PTK2B: variants seen among roughly 807,000 people sequenced by gnomAD.
The protein encoded by PTK2B is protein-tyrosine kinase 2-beta.
PTK2B carries 71 observed loss-of-function variants against 142.9 expected under a neutral mutation model. The ratio of observed to expected loss-of-function variants is 0.50; its 90% CI spans 0.41 to 0.61. The LOEUF is 0.61. Ranked by LOEUF, PTK2B falls within the 20% of genes least tolerant of loss-of-function variation. The pLI, the probability that PTK2B is intolerant of heterozygous loss-of-function variation, is 0.00. For synonymous variants in PTK2B, 519 were observed against 503.4 expected, an observed-to-expected ratio of 1.03 and a Z score of -0.42; for missense variants, 1,105 against 1,320.4, an observed-to-expected ratio of 0.84 and a Z score of 2.53.
intron 2 of PTK2B, among the ~76,000 whole-genome samples, chr8:27,413,822 C>T (rs1214812862): frequency 2.0e-5 from 3 of 152,210 alleles, no homozygotes; most frequent in South Asian, 4.1e-4. Context: ...CTGAATCAAC[C>T]AACACTGAGT....
In PTK2B at chr8:27,451,725, C is replaced by G. The variant is rs946585348; in HGVS notation, c.2548+216C>G. On this transcript the variant is annotated intron_variant, in intron 27 of 30. Coordinates refer to ENST00000346049, the MANE Select transcript of PTK2B (RefSeq NM_173176.3). ...TGCCTAGCACCCTGCCCTTCTCTCT[C>G]TCAGTGGCCACATCCTTAGGCCCCT... 9.9e-6 allele frequency: 14 copies of G among 1,412,356 alleles called. No homozygotes were observed. In the African/African-American group the frequency reaches 1.9e-4, roughly 19 times the overall value. The allele number at this position is 1,412,356 out of a possible 1,614,324, so 87.5% of individuals were successfully genotyped here.
At chr8:27,313,271 G>A (rs113814152) in exon 3 of PTK2B, 16,874 of 152,324 alleles carry the variant, frequency 0.11, 1,219 homozygotes, top group South Asian at 0.25. Flanking sequence ...CTGAGGCCTC[G>A]CCAGCCATGC....
In PTK2B at chr8:27,397,679, A is replaced by C. The variant is rs768298339; in HGVS notation, c.95A>C (p.Asp32Ala). 1 of 1,614,222 alleles carries C rather than the reference A, an allele frequency of 6.2e-7. No individual in the cohort carries two copies. The highest frequency in any genetic ancestry group is 1.1e-5 in the South Asian group (1 of 91,082). The change falls in exon 2 of 31, where the codon GAT becomes GCT. Residue 32 changes from aspartate (D) to alanine (A), a missense_variant. By Grantham distance (126) the Asp-to-Ala change is moderately radical (BLOSUM62 -2). Transcript: ENST00000346049. ...GAGCCCATGGTGGTGGTACCAGTAGATGTGGAAAAGGAGGACGTGCGTATC... is the reference window on the plus strand; with the variant it reads ...GAGCCCATGGTGGTGGTACCAGTAGCTGTGGAAAAGGAGGACGTGCGTATC... The part of the protein sequence containing the change: ...PAEPMVVVPV[D>A]VEKEDVRILK...
chr8:27,450,580 A>T (rs1046455072), intron 24 of PTK2B, among the ~76,000 whole-genome samples, 169 bp from the exon 25 acceptor site: 2 of 152,132 alleles, frequency 1.3e-5, no homozygotes, highest in East Asian at 3.9e-4. Flanking sequence ...CTGATACTGG[A>T]TAGCTGTCTG....
At chr8:27,409,507 C>T (rs1022639572) in intron 2 of PTK2B, among the ~76,000 whole-genome samples, 4 of 152,062 alleles carry the variant, frequency 2.6e-5, no homozygotes. Flanking sequence ...CTTTGGAGAC[C>T]AGGCACAGAG....
chr8:27,341,288 G>A (rs142081897), intron 1 of PTK2B, among the ~76,000 whole-genome samples: 244 of 152,268 alleles, frequency 1.6e-3, no homozygotes, highest in African/African-American at 5.5e-3. Context: ...CCCCCGTCTC[G>A]TGCCCCTTTG....
Position 27,437,190 on chromosome 8 carries a change from G to T in PTK2B, c.1410G>T (p.Lys470Asn), listed in dbSNP as rs777152162. 1 of 1,614,020 alleles carries T rather than the reference G, an allele frequency of 6.2e-7. No homozygotes were observed. The highest frequency in any genetic ancestry group is 1.7e-5 in the Admixed American group (1 of 60,030). The change falls in exon 16 of 31, where the codon AAG (lysine) becomes AAT (asparagine). Residue 470 changes from lysine to asparagine, a missense_variant. Lys to Asn is a moderately conservative substitution (Grantham distance 94). Coordinates refer to ENST00000346049, the MANE Select transcript of PTK2B (RefSeq NM_173176.3). ...ACTGCACTCTGGACAACAAGGAGAA[G>T]TTCATGAGCGAGGCAGGTAGGGACC... ...KKDCTLDNKE[K>N]FMSEAVIMKN... is the part of the protein sequence containing the mutation.
At chr8:27,454,406 A>G (rs1448599151) in intron 29 of PTK2B, 115 bp downstream of exon 29, 9 of 1,545,272 alleles carry the variant, frequency 5.8e-6, no homozygotes, top group Non-Finnish European at 8.0e-6. Context: ...AAGCTGGGCC[A>G]GGGGAATTGA....
chr8:27,444,162 CAAG>C (rs760076366), intron 22 of PTK2B, 41 bp from the exon 23 acceptor site: 1 of 1,562,722 alleles, frequency 6.4e-7, no homozygotes, highest in African/African-American at 1.4e-5. Context: ...TGTGTTCACT[CAAG>C]GAGAGGGACA....
intron 1 of PTK2B, among the ~76,000 whole-genome samples, chr8:27,329,044 T>G (rs1300594221): frequency 6.6e-6 from 1 of 151,982 alleles, no homozygotes; most frequent in Non-Finnish European, 1.5e-5. Context: ...TTCAAGTGAT[T>G]CTCCTGCCTC....
intron 2 of PTK2B, among the ~76,000 whole-genome samples, chr8:27,400,109 G>T (rs1378227403): frequency 6.6e-6 from 1 of 152,194 alleles, no homozygotes; most frequent in Non-Finnish European, 1.5e-5. Context: ...TTCAAATAAA[G>T]AAGTAATATG....
chr8:27,397,336 G>A lies in PTK2B; in HGVS notation c.-37-212G>A, dbSNP rs543983559. On this transcript the variant is annotated intron_variant, in intron 1 of 30. Transcript: ENST00000346049. ...ATACCCCTGGGAGCCCCAAGTCTGGGTTTCATACCTGGATGCTTCTGCAAC... is the reference window on the plus strand; with the variant it reads ...ATACCCCTGGGAGCCCCAAGTCTGGATTTCATACCTGGATGCTTCTGCAAC... 4 of 528,394 alleles carry A rather than the reference G, an allele frequency of 7.6e-6. No individual in the cohort carries two copies. The Admixed American group carries it at 1.3e-4, about 17-fold the overall frequency. 32.7% of individuals were successfully genotyped at this position (528,394 alleles called of 1,614,324 possible). A position where few individuals can be genotyped will look rare whatever the true frequency, so the allele number is the denominator to read the frequency against.
At chr8:27,415,377 C>T (rs1328263954) in intron 2 of PTK2B, among the ~76,000 whole-genome samples, 1 of 152,154 alleles carries the variant, frequency 6.6e-6, no homozygotes, top group African/African-American at 2.4e-5. Flanking sequence ...CCAACCCTCT[C>T]CCATTTGCAG....
At chr8:27,397,388 A>T (rs1161898862) in intron 1 of PTK2B, 160 bp from the exon 2 acceptor site, 2 of 611,292 alleles carry the variant, frequency 3.3e-6, no homozygotes. Context: ...CATCTTTCCC[A>T]GTCAAGAGAG....
At chr8:27,353,477 A>G (rs1318257429) in intron 1 of PTK2B, among the ~76,000 whole-genome samples, 2 of 152,198 alleles carry the variant, frequency 1.3e-5, no homozygotes, top group Admixed American at 6.5e-5. Flanking sequence ...AGCTTGGCCT[A>G]ACTATGCCCT....
Position 27,434,553 on chromosome 8 carries a change from A to C in PTK2B, c.1186A>C (p.Ser396Arg). The C allele has an allele frequency of 6.2e-7, 1 of 1,602,396 alleles. No individual in the cohort carries two copies. Among genetic ancestry groups the C allele is most frequent in the Non-Finnish European group, 8.5e-7 (1 of 1,174,440 alleles). The change falls in exon 13 of 31, where the codon AGC (serine) becomes CGC (arginine). Residue 396 changes from serine to arginine, a missense_variant. By Grantham distance (110) the Ser-to-Arg change is moderately radical. Coordinates refer to ENST00000346049, the MANE Select transcript of PTK2B (RefSeq NM_173176.3). ...ARRSHLSESC[S>R]IESDIYAEIP... ...GCGGTCCCACCTCTCAGAGAGCTGC[A>C]GCATAGGTGAGCTGCCCGCTGCATC...
intron 1 of PTK2B, among the ~76,000 whole-genome samples, chr8:27,375,522 G>A (rs765940447): frequency 6.6e-6 from 1 of 152,170 alleles, no homozygotes; most frequent in Non-Finnish European, 1.5e-5. Context: ...TAGATCCAGG[G>A]CAGAACATAT....
chr8:27,450,504 C>T (rs543090153), intron 24 of PTK2B, among the ~76,000 whole-genome samples: 1 of 152,178 alleles, frequency 6.6e-6, no homozygotes, highest in Non-Finnish European at 1.5e-5. Flanking sequence ...CATTTGAATA[C>T]AGCGCACGTT....
intron 2 of PTK2B, among the ~76,000 whole-genome samples, chr8:27,404,099 A>C (rs1808556364): frequency 6.6e-6 from 1 of 151,978 alleles, no homozygotes; most frequent in African/African-American, 2.4e-5. Flanking sequence ...GCCAGTCTCA[A>C]ATGTATCATG....
Sources: gnomAD v4.1 joint callset for allele counts (sites outside exome capture counted in the v4.1 genomes callset) on GRCh38, gnomAD v4.1.1 for gene constraint, MANE v1.5 for transcripts, NCBI Gene and HGNC (gene_info 2026-07-23, HGNC 2026-07-21) for gene names.